AOX1: variants seen among roughly 807,000 people sequenced by gnomAD.
AOX1 encodes the protein aldehyde oxidase.
A neutral mutation model predicts 169.5 loss-of-function variants in AOX1; 153 were observed. The observed-to-expected ratio is 0.90, with a 90% CI of 0.79 to 1.03. The LOEUF (loss-of-function observed/expected upper bound fraction) is 1.03. Among genes scored for constraint, AOX1 ranks in the 50% least tolerant of loss-of-function variants. The probability of loss-of-function intolerance (pLI) is 0.00; values close to 1 mark genes in which losing one functional copy is unlikely to be tolerated. For missense variants in AOX1, 1,656 were observed against 1,663.9 expected (o/e 1.00, Z 0.08); for synonymous variants, 562 against 581.9 (o/e 0.97, Z 0.49).
At chr2:200,598,508 G>A (rs1444704025) in intron 4 of AOX1, among the ~76,000 whole-genome samples, 1 of 152,172 alleles carries the variant, frequency 6.6e-6, no homozygotes, top group Non-Finnish European at 1.5e-5. Flanking sequence ...ACTTTGGGAG[G>A]CAGAGGTGGG....
At chr2:200,670,070 C>G (rs2035998094) in intron 34 of AOX1, among the ~76,000 whole-genome samples, 1 of 152,038 alleles carries the variant, frequency 6.6e-6, no homozygotes, top group South Asian at 2.1e-4. Context: ...GGAACTATGC[C>G]CTGAACCTAG....
intron 1 of AOX1, among the ~76,000 whole-genome samples, chr2:200,592,250 C>T (rs1220345007): frequency 2.0e-5 from 3 of 152,142 alleles, no homozygotes; most frequent in Non-Finnish European, 4.4e-5. Flanking sequence ...TTGGCATATG[C>T]CACACCTTGC....
In AOX1 at chr2:200,599,815, C is replaced by T. The variant is rs2034370510; in HGVS notation, c.436+69C>T. Reference sequence around the variant, plus strand: ...TTATTTATTTTTTGAGACGGAATCTCACTCTGTTGCCCGGGCTGGAGGGCG... The same window carrying T: ...TTATTTATTTTTTGAGACGGAATCTTACTCTGTTGCCCGGGCTGGAGGGCG... On this transcript the variant is annotated intron_variant, in intron 5 of 34. Transcript: ENST00000374700. 3.2e-6 allele frequency: 4 copies of T among 1,231,900 alleles called. No individual in the cohort carries two copies. The East Asian group carries it at 9.3e-5, about 29-fold the overall frequency. The allele number at this position is 1,231,900 out of a possible 1,614,324, so 76.3% of individuals were successfully genotyped here.
rs2293525 is a variant in AOX1 at position 200,604,009 on chromosome 2, C to G, written c.589-8C>G. On this transcript the variant is annotated splice_polypyrimidine_tract_variant and splice_region_variant and intron_variant, in intron 7 of 34. Transcript: ENST00000374700. ...ATAACAGTAATTTCTGATATGTTCTCTTTTTAGACAAGTCCAAAACTCTTC... is the reference window on the plus strand; with the variant it reads ...ATAACAGTAATTTCTGATATGTTCTGTTTTTAGACAAGTCCAAAACTCTTC... 0.19 allele frequency: 304,081 copies of G among 1,592,996 alleles called. 32,116 individuals are homozygous for G. The highest frequency in any genetic ancestry group is 0.45 in the East Asian group (20,309 of 44,688).
intron 26 of AOX1, among the ~76,000 whole-genome samples, chr2:200,652,655 C>T (rs910844773): frequency 1.1e-4 from 16 of 152,136 alleles, no homozygotes; most frequent in African/African-American, 3.9e-4. Context: ...CACGTTTGGC[C>T]GTGGGTAAAC....
At chr2:200,591,410 A>T (rs1488231033) in intron 1 of AOX1, among the ~76,000 whole-genome samples, 3 of 152,254 alleles carry the variant, frequency 2.0e-5, no homozygotes, top group African/African-American at 7.2e-5. Flanking sequence ...GGTGAATGAC[A>T]TACAAAATTC....
intron 27 of AOX1, among the ~76,000 whole-genome samples, chr2:200,658,910 T>C (rs554489445): frequency 9.8e-5 from 15 of 152,346 alleles, no homozygotes; most frequent in African/African-American, 3.6e-4. Flanking sequence ...TGCCTTGGCC[T>C]GGGGCCTCAC....
chr2:200,619,274 C>G (rs758857588), intron 16 of AOX1, among the ~76,000 whole-genome samples: 1 of 152,104 alleles, frequency 6.6e-6, no homozygotes, highest in Non-Finnish European at 1.5e-5. Context: ...AAGGAAGATC[C>G]AGGGCTCAGG....
intron 21 of AOX1, among the ~76,000 whole-genome samples, chr2:200,636,080 C>T (rs967297443): frequency 7.3e-6 from 1 of 136,642 alleles, no homozygotes; most frequent in African/African-American, 2.7e-5. Context: ...ACCAACTGGT[C>T]ATCTTTAGCA....
chr2:200,613,770 G>C (rs1415252056), intron 14 of AOX1, 34 bp from the exon 15 acceptor site: 2 of 1,588,924 alleles, frequency 1.3e-6, no homozygotes, highest in Non-Finnish European at 8.6e-7. Flanking sequence ...AATAAACCCT[G>C]TCAGGCTAGG....
At chr2:200,587,571 A>G (rs1351559669) in intron 1 of AOX1, among the ~76,000 whole-genome samples, 1 of 152,180 alleles carries the variant, frequency 6.6e-6, no homozygotes, top group Non-Finnish European at 1.5e-5. Flanking sequence ...ATTGTACATT[A>G]GGCCCCTCAA....
At chr2:200,617,929 C>G (rs900482864) in intron 16 of AOX1, among the ~76,000 whole-genome samples, 1 of 152,024 alleles carries the variant, frequency 6.6e-6, no homozygotes, top group Non-Finnish European at 1.5e-5. Context: ...TTGGTTTTTC[C>G]TTTTCATCAC....
intron 26 of AOX1, among the ~76,000 whole-genome samples, chr2:200,656,538 T>C (rs2035688636): frequency 6.6e-6 from 1 of 152,206 alleles, no homozygotes; most frequent in Non-Finnish European, 1.5e-5. Flanking sequence ...TATCTCATCT[T>C]ATATGGGATT....
intron 3 of AOX1, among the ~76,000 whole-genome samples, chr2:200,596,598 T>A (rs1249414200): frequency 2.0e-5 from 3 of 152,358 alleles, no homozygotes; most frequent in East Asian, 3.9e-4. Context: ...TCAGCCCACA[T>A]GCAACCATTC....
At chr2:200,591,587 C>A (rs1349530864) in intron 1 of AOX1, among the ~76,000 whole-genome samples, 1 of 152,212 alleles carries the variant, frequency 6.6e-6, no homozygotes, top group Non-Finnish European at 1.5e-5. Flanking sequence ...CACCTAAGAT[C>A]CACTCAGTGT....
At chr2:200,669,449 T>C in intron 33 of AOX1, 126 bp from the exon 34 acceptor site, 1 of 1,025,336 alleles carries the variant, frequency 9.8e-7, no homozygotes, top group Non-Finnish European at 1.4e-6. Context: ...AGACTCTGTC[T>C]CAAAAAAAAA....
At chr2:200,676,003 T>C (rs948710778), downstream of AOX1, among the ~76,000 whole-genome samples, 1 of 151,942 alleles carries the variant, frequency 6.6e-6, no homozygotes, top group African/African-American at 2.4e-5. Flanking sequence ...TTAGAAACTA[T>C]CAAAAATTAT....
At chr2:200,623,797 A>T (rs1325172694) in intron 18 of AOX1, 64 bp from the exon 19 acceptor site, 1 of 1,607,814 alleles carries the variant, frequency 6.2e-7, no homozygotes, top group Non-Finnish European at 8.5e-7. Flanking sequence ...GGAGGAAGAA[A>T]ATGAATAAAA....
intron 25 of AOX1, among the ~76,000 whole-genome samples, chr2:200,645,288 G>A (rs1188014044): frequency 6.6e-6 from 1 of 152,094 alleles, no homozygotes; most frequent in East Asian, 1.9e-4. Flanking sequence ...ATAAAGAGAT[G>A]CTGGATTTTG....
Sources: gnomAD v4.1 joint callset for allele counts (sites outside exome capture counted in the v4.1 genomes callset) on GRCh38, gnomAD v4.1.1 for gene constraint, MANE v1.5 for transcripts, NCBI Gene and HGNC (gene_info 2026-07-23, HGNC 2026-07-21) for gene names.